Variants in BACE2 observed in about 807,000 individuals in gnomAD.
The protein encoded by BACE2 is beta-secretase 2.
In BACE2, 17 loss-of-function variants were observed where a neutral mutation model predicts 46.2. The observed-to-expected ratio is 0.37, with a 90% CI of 0.25 to 0.55. The LOEUF (loss-of-function observed/expected upper bound fraction) is 0.55. BACE2 is among the 20% of genes least tolerant of loss of function. BACE2 has a pLI of 0.82. For missense variants in BACE2, 595 were observed against 698.1 expected (o/e 0.85, Z 1.66); for synonymous variants, 277 against 295.9 (o/e 0.94, Z 0.66).
At chr21:41,221,826 T>G (rs1338157061) in intron 1 of BACE2, among the ~76,000 whole-genome samples, 6 of 69,256 alleles carry the variant, frequency 8.7e-5, no homozygotes, top group African/African-American at 6.3e-4. Flanking sequence ...AGACTCTGTC[T>G]CAAAAAAAAA....
At chr21:41,188,674 G>C (rs962611640) in intron 1 of BACE2, among the ~76,000 whole-genome samples, 1 of 152,226 alleles carries the variant, frequency 6.6e-6, no homozygotes, top group Non-Finnish European at 1.5e-5. Context: ...CTAAGGGCAG[G>C]ATTTACCAAT....
chr21:41,227,998 C>T (rs951868498), intron 2 of BACE2, among the ~76,000 whole-genome samples: 4 of 152,174 alleles, frequency 2.6e-5, no homozygotes, highest in Admixed American at 1.3e-4. Context: ...TTGATTCCTG[C>T]GGCACAGGAG....
At chr21:41,211,051 C>T (rs948858463) in intron 1 of BACE2, among the ~76,000 whole-genome samples, 15 of 152,166 alleles carry the variant, frequency 9.9e-5, no homozygotes, top group African/African-American at 3.6e-4. Flanking sequence ...TTCACCTTCC[C>T]AAATGTATAA....
rs1984452737 is a variant in BACE2 at position 41,168,270 on chromosome 21, G to A, written c.7G>A (p.Ala3Thr). 2.5e-6 allele frequency: 3 copies of A among 1,199,456 alleles called. No individual in the cohort carries two copies. Among genetic ancestry groups the A allele is most frequent in the Non-Finnish European group, 3.1e-6 (3 of 969,028 alleles). The allele number at this position is 1,199,456 out of a possible 1,614,324, so 74.3% of individuals were successfully genotyped here. MG[A>T]LARALLLPLL... is the part of the protein sequence containing the mutation. ...CCCGGGCCCCGCCGTGGGCATGGGC[G>A]CACTGGCCCGGGCGCTGCTGCTGCC... is the stretch of plus-strand genomic sequence containing the variant. Residue 3 changes from alanine (A) to threonine (T), a missense_variant, in exon 1 of 9, where the codon GCA (alanine) becomes ACA (threonine). By Grantham distance (58) the Ala-to-Thr change is moderately conservative. Coordinates refer to ENST00000330333, the MANE Select transcript of BACE2 (RefSeq NM_012105.5).
Position 41,207,802 on chromosome 21 carries a change from A to G in BACE2, c.313-18464A>G, listed in dbSNP as rs138256003. Among the ~76,000 whole-genome samples the G allele has an allele frequency of 4.1e-3, 624 of 152,282 alleles. 6 individuals are homozygous for G. Among genetic ancestry groups the G allele is most frequent in the African/African-American group, 0.013 (554 of 41,568 alleles). ...CTTACGGCTGCTCCCCTTTCAGTCC[A>G]TGTTTGGTTTCTGCATCCAAGAGGC... On this transcript the variant is annotated intron_variant, in intron 1 of 8. Coordinates refer to ENST00000330333, the MANE Select transcript of BACE2 (RefSeq NM_012105.5).
At chr21:41,180,029 C>T (rs1481445672) in intron 1 of BACE2, 1 of 322,942 alleles carries the variant, frequency 3.1e-6, no homozygotes, top group East Asian at 9.0e-5. Flanking sequence ...AGAGGCGCTG[C>T]TCCTTGCAAA....
At chr21:41,187,012 G>T (rs747757803) in intron 1 of BACE2, among the ~76,000 whole-genome samples, 1 of 152,206 alleles carries the variant, frequency 6.6e-6, no homozygotes, top group African/African-American at 2.4e-5. Context: ...GCCCTGACCT[G>T]TTTTAGCTAG....
chr21:41,214,131 CT>C (rs974446875), intron 1 of BACE2, among the ~76,000 whole-genome samples: 1 of 152,208 alleles, frequency 6.6e-6, no homozygotes, highest in African/African-American at 2.4e-5. Context: ...TCATCACCCC[CT>C]TTCCTAGAAG....
intron 8 of BACE2, among the ~76,000 whole-genome samples, chr21:41,261,706 C>G (rs1222766953): frequency 6.6e-6 from 1 of 151,734 alleles, no homozygotes; most frequent in Non-Finnish European, 1.5e-5. Context: ...TTATTTTCTT[C>G]CAAAATGTGA....
At chr21:41,263,143 A>T (rs1040025801) in intron 8 of BACE2, among the ~76,000 whole-genome samples, 3 of 152,102 alleles carry the variant, frequency 2.0e-5, no homozygotes, top group African/African-American at 7.2e-5. Context: ...AAATTTAGGG[A>T]TTTCCAGTTT....
chr21:41,268,071 G>A (rs905515601), intron 8 of BACE2, among the ~76,000 whole-genome samples: 3 of 152,228 alleles, frequency 2.0e-5, no homozygotes, highest in Non-Finnish European at 4.4e-5. Context: ...TGATGAAAGA[G>A]TTAAAAGTAA....
chr21:41,179,016 A>T, intron 1 of BACE2: 1 of 1,014,748 alleles, frequency 9.9e-7, no homozygotes, highest in Non-Finnish European at 1.3e-6. Flanking sequence ...CTGAGCCTTC[A>T]GAAGTTAGGG....
At chr21:41,173,065 G>A (rs2123483136) in intron 1 of BACE2, among the ~76,000 whole-genome samples, 1 of 152,266 alleles carries the variant, frequency 6.6e-6, no homozygotes, top group African/African-American at 2.4e-5. Flanking sequence ...CCTCTAACCT[G>A]ACCTCATCTT....
chr21:41,247,855 C>T (rs776106354), intron 6 of BACE2, among the ~76,000 whole-genome samples: 4 of 152,158 alleles, frequency 2.6e-5, no homozygotes, highest in African/African-American at 4.8e-5. Flanking sequence ...ATCACAAGGG[C>T]GCGTTGTGTG....
intron 1 of BACE2, among the ~76,000 whole-genome samples, chr21:41,218,738 A>G (rs933574278): frequency 3.9e-5 from 6 of 152,252 alleles, no homozygotes; most frequent in Non-Finnish European, 8.8e-5. Flanking sequence ...TAGGTAAAAA[A>G]GAAAGATGTT....
At chr21:41,172,107 A>T (rs1601235131) in intron 1 of BACE2, among the ~76,000 whole-genome samples, 2 of 152,262 alleles carry the variant, frequency 1.3e-5, no homozygotes, top group Non-Finnish European at 2.9e-5. Context: ...GCCACTTGAA[A>T]TGGTAAACTA....
At chr21:41,247,951 C>T (rs1987521422) in intron 6 of BACE2, among the ~76,000 whole-genome samples, 1 of 152,120 alleles carries the variant, frequency 6.6e-6, no homozygotes, top group Admixed American at 6.5e-5. Flanking sequence ...CGTGGGTTTC[C>T]TTCTGGTTAA....
chr21:41,168,474 C>G lies in BACE2; in HGVS notation c.211C>G (p.Pro71Ala). ...CGCCCTGGAGCCTGCCCTGGCGTCCCCCGCGGGCGCCGCCAACTTCTTGGC... is the reference window on the plus strand; with the variant it reads ...CGCCCTGGAGCCTGCCCTGGCGTCCGCCGCGGGCGCCGCCAACTTCTTGGC... ...ALALEPALAS[P>A]AGAANFLAMV... Residue 71 changes from proline (P) to alanine (A), a missense_variant, in exon 1 of 9, where the codon CCC (proline) becomes GCC (alanine). Coordinates refer to ENST00000330333, the MANE Select transcript of BACE2 (RefSeq NM_012105.5). 7.2e-7 allele frequency: 1 copy of G among 1,386,546 alleles called. No homozygotes were observed. The highest frequency in any genetic ancestry group is 9.4e-7 in the Non-Finnish European group (1 of 1,066,602). The allele number at this position is 1,386,546 out of a possible 1,614,324, so 85.9% of individuals were successfully genotyped here.
At chr21:41,177,985 A>G (rs1405263659) in intron 1 of BACE2, 2 of 152,194 alleles carry the variant, frequency 1.3e-5, no homozygotes, top group African/African-American at 4.8e-5. Flanking sequence ...CCCAGGGGAC[A>G]TCTGGCATCC....
Sources: allele counts gnomAD v4.1 joint callset (sites outside exome capture counted in the v4.1 genomes callset), GRCh38; gene constraint gnomAD v4.1.1; transcripts MANE v1.5; gene names NCBI Gene and HGNC (gene_info 2026-07-23, HGNC 2026-07-21).